RPRD2: variants seen among roughly 807,000 people sequenced by gnomAD.
RPRD2 encodes the protein regulation of nuclear pre-mRNA domain-containing protein 2.
In RPRD2, 12 loss-of-function variants were observed where a neutral mutation model predicts 104.4. The ratio of observed to expected loss-of-function variants is 0.11; its 90% CI spans 0.07 to 0.19. RPRD2 has a LOEUF of 0.19. RPRD2 is among the 10% of genes least tolerant of loss of function. RPRD2 has a pLI of 1.00. For missense variants in RPRD2, 1,543 were observed against 1,790.1 expected (o/e 0.86, Z 2.49); for synonymous variants, 714 against 684.9 (o/e 1.04, Z -0.66).
rs58054758 is a variant in RPRD2 at position 150,369,441 on chromosome 1, A to ATTTTT, written c.205+4551_205+4555dup. Among the ~76,000 whole-genome samples the ATTTTT allele has an allele frequency of 2.8e-3, 159 of 57,530 alleles. 14 individuals are homozygous for ATTTTT. Among genetic ancestry groups the ATTTTT allele is most frequent in the African/African-American group, 9.4e-3 (139 of 14,864 alleles). The allele number at this position is 57,530 out of a possible 152,430, so 37.7% of individuals were successfully genotyped here. A position where few individuals can be genotyped will look rare whatever the true frequency, so the allele number is the denominator to read the frequency against. On this transcript the variant is annotated intron_variant, in intron 1 of 10. Coordinates refer to ENST00000369068, the MANE Select transcript of RPRD2 (RefSeq NM_015203.5). Reference sequence around the variant, plus strand: ...GGAACCATGCCACCACACCTGGCTAATTTTTTTTTTTTTTTTTTTTTTTTT... The same window carrying ATTTTT: ...GGAACCATGCCACCACACCTGGCTAATTTTTTTTTTTTTTTTTTTTTTTTTTTTTT...
At position 150,471,679 on chromosome 1, in the gene RPRD2, G is replaced by A; in HGVS notation, c.2731G>A (p.Gly911Arg). 6.2e-7 allele frequency: 1 copy of A among 1,613,806 alleles called. No homozygotes were observed. The highest frequency in any genetic ancestry group is 8.5e-7 in the Non-Finnish European group (1 of 1,179,874). The change falls in exon 11 of 11, where the codon GGG (glycine) becomes AGG (arginine). Residue 911 changes from glycine to arginine, a missense_variant. Around this residue, in one of 4 missense-constraint regions of RPRD2, gnomAD observed 880 missense variants for 885.6 expected, o/e 0.99. Coordinates refer to ENST00000369068, the MANE Select transcript of RPRD2 (RefSeq NM_015203.5). The surrounding 1 kb of genome is among the most constrained non-coding windows in gnomAD (Gnocchi z 5.3). ...ENCDRLSSSP[G>R]LFGAFSVRGN... ...CTGTGACCGTCTCTCATCTTCCCCTGGGCTATTTGGTGCCTTCAGCGTAAG... is the reference window on the plus strand; with the variant it reads ...CTGTGACCGTCTCTCATCTTCCCCTAGGCTATTTGGTGCCTTCAGCGTAAG...
rs587607686 is a variant in RPRD2, at chr1:150,462,785, G to T, written c.1412-1742G>T. 4.6e-5 allele frequency among the ~76,000 whole-genome samples: 7 copies of T among 152,252 alleles called. 1 individual carries two copies. The South Asian group carries it at 1.4e-3, about 32-fold the overall frequency. ...TTAGCCAGGATGGTCTCGATCTCCTGACCTCGTGATCTGCTCGCGTTGGCC... is the reference window on the plus strand; with the variant it reads ...TTAGCCAGGATGGTCTCGATCTCCTTACCTCGTGATCTGCTCGCGTTGGCC... On this transcript the variant is annotated intron_variant, in intron 9 of 10. Transcript: ENST00000369068.
chr1:150,457,578 T>A lies in RPRD2; in HGVS notation c.1153+8T>A. 6.2e-7 allele frequency: 1 copy of A among 1,611,066 alleles called. No homozygotes were observed. The highest frequency in any genetic ancestry group is 8.5e-7 in the Non-Finnish European group (1 of 1,177,304). ...ATGGGTCAAAAATCATTGGTATGTC[T>A]TTATGTGATTAATAGACAACTTATT... On this transcript the variant is annotated splice_region_variant and intron_variant, in intron 8 of 10. Transcript: ENST00000369068.
At chr1:150,400,938 A>C (rs2102217717) in intron 1 of RPRD2, among the ~76,000 whole-genome samples, 1 of 151,698 alleles carries the variant, frequency 6.6e-6, no homozygotes, top group South Asian at 2.1e-4. Context: ...GCACTTTGGG[A>C]GGCCAAGGTG....
At position 150,441,954 on chromosome 1, in the gene RPRD2, A is replaced by T. The variant is rs1235322010; in HGVS notation, c.510A>T (p.Ser170=). ...NKQPNKQWKK[S]QTSTNPKAAL... is the part of the protein sequence containing the mutation. Reference sequence around the variant, plus strand: ...AACCGAATAAGCAGTGGAAGAAATCACAAAGTAAGGAACAAAATCTCAACT... The same window carrying T: ...AACCGAATAAGCAGTGGAAGAAATCTCAAAGTAAGGAACAAAATCTCAACT... Residue 170 remains serine (S), a synonymous_variant, in exon 4 of 11, where the codon TCA becomes TCT. Coordinates refer to ENST00000369068, the MANE Select transcript of RPRD2 (RefSeq NM_015203.5). The T allele has an allele frequency of 6.2e-7, 1 of 1,608,430 alleles. No individual in the cohort carries two copies. The highest frequency in any genetic ancestry group is 8.5e-7 in the Non-Finnish European group (1 of 1,176,360).
intron 1 of RPRD2, among the ~76,000 whole-genome samples, chr1:150,388,616 ATT>A (rs71086505): frequency 0.047 from 6,420 of 137,174 alleles, 354 homozygotes; most frequent in African/African-American, 0.13. Flanking sequence ...TTGATATGTA[ATT>A]TTTTTTTTTT....
rs1659722632 is a variant in RPRD2 at position 150,364,974 on chromosome 1, G to C, written c.205+55G>C. ...AGACTGGGGAAATGGAAGGAAGTGTGGCCTGAAACGCTTGGGGTTTTCCCA... is the reference window on the plus strand; with the variant it reads ...AGACTGGGGAAATGGAAGGAAGTGTCGCCTGAAACGCTTGGGGTTTTCCCA... On this transcript the variant is annotated intron_variant, in intron 1 of 10. Coordinates refer to ENST00000369068, the MANE Select transcript of RPRD2 (RefSeq NM_015203.5). 8.3e-6 allele frequency: 13 copies of C among 1,565,592 alleles called. No individual in the cohort carries two copies. The South Asian group carries it at 1.4e-4, about 16-fold the overall frequency.
chr1:150,446,448 T>A lies in RPRD2; in HGVS notation c.870+47T>A, dbSNP rs782656117. The A allele has an allele frequency of 4.2e-6, 6 of 1,422,658 alleles. No homozygotes were observed. The African/African-American group carries it at 8.7e-5, about 21-fold the overall frequency. 88.1% of individuals were successfully genotyped at this position (1,422,658 alleles called of 1,614,324 possible). On this transcript the variant is annotated intron_variant, in intron 7 of 10. Transcript: ENST00000369068. ...CTTATACTGAATGCTTGTTACTATATTTCAGAGATTGTTAACATGCATTAT... is the reference window on the plus strand; with the variant it reads ...CTTATACTGAATGCTTGTTACTATAATTCAGAGATTGTTAACATGCATTAT...
intron 1 of RPRD2, among the ~76,000 whole-genome samples, chr1:150,373,011 CTTTTT>C (rs1204634877): frequency 6.7e-6 from 1 of 149,854 alleles, no homozygotes; most frequent in African/African-American, 2.5e-5. Flanking sequence ...GAGATGAACT[CTTTTT>C]TTTTCTTTTT....
At chr1:150,466,604 A>T (rs1668299982) in intron 10 of RPRD2, among the ~76,000 whole-genome samples, 1 of 149,478 alleles carries the variant, frequency 6.7e-6, no homozygotes. Flanking sequence ...CTAATGTTTT[A>T]TAGAGGCTTC....
chr1:150,461,070 A>G (rs1000426630), intron 9 of RPRD2, among the ~76,000 whole-genome samples: 8 of 152,076 alleles, frequency 5.3e-5, no homozygotes, highest in Admixed American at 3.9e-4. Context: ...CGGTCATTAT[A>G]GAAAAATTAG....
At chr1:150,469,299 A>G (rs1668466469) in intron 10 of RPRD2, among the ~76,000 whole-genome samples, 1 of 152,222 alleles carries the variant, frequency 6.6e-6, no homozygotes, top group African/African-American at 2.4e-5. Flanking sequence ...TTTTAAATAC[A>G]GAGACTCACT....
At chr1:150,418,364 T>C (rs1664518499) in intron 2 of RPRD2, among the ~76,000 whole-genome samples, 1 of 152,222 alleles carries the variant, frequency 6.6e-6, no homozygotes, top group South Asian at 2.1e-4. Flanking sequence ...AATCTCTGAA[T>C]GTGCTTCCTT....
intron 1 of RPRD2, among the ~76,000 whole-genome samples, chr1:150,371,573 G>A (rs1660301707): frequency 6.6e-6 from 1 of 152,142 alleles, no homozygotes; most frequent in African/African-American, 2.4e-5. Flanking sequence ...GTTTCACTGT[G>A]TTAGCCAGGA....
In RPRD2 at chr1:150,472,598, C is replaced by G; in HGVS notation, c.3650C>G (p.Pro1217Arg). 3 of 1,613,942 alleles carry G rather than the reference C, an allele frequency of 1.9e-6. No individual in the cohort carries two copies. Among genetic ancestry groups the G allele is most frequent in the Non-Finnish European group, 2.5e-6 (3 of 1,179,828 alleles). Residue 1217 changes from proline (P) to arginine (R), a missense_variant, in exon 11 of 11, where the codon CCT (proline) becomes CGT (arginine). By Grantham distance (103) the Pro-to-Arg change is moderately radical. Coordinates refer to ENST00000369068, the MANE Select transcript of RPRD2 (RefSeq NM_015203.5). ...REPVGPSSAP[P>R]VPPKDHGGIF... ...CCAGTGGGGCCATCATCTGCCCCAC[C>G]TGTCCCTCCTAAGGATCATGGTGGT...
chr1:150,460,039 C>A (rs1667818984), intron 8 of RPRD2, 21 bp from the exon 9 acceptor site: 1 of 1,602,624 alleles, frequency 6.2e-7, no homozygotes, highest in African/African-American at 1.3e-5. Flanking sequence ...GATGTAATAT[C>A]TCTTTTCTTT....
chr1:150,410,212 T>G (rs2102250046), intron 1 of RPRD2, among the ~76,000 whole-genome samples: 1 of 152,272 alleles, frequency 6.6e-6, no homozygotes, highest in Admixed American at 6.5e-5. Flanking sequence ...CCAGATTGTT[T>G]AGGATTTCTA....
chr1:150,427,912 T>C (rs1026149914), intron 2 of RPRD2, among the ~76,000 whole-genome samples: 3 of 152,196 alleles, frequency 2.0e-5, no homozygotes, highest in African/African-American at 7.2e-5. Flanking sequence ...TGAATTACTT[T>C]GGTGTGTAAA....
intron 1 of RPRD2, among the ~76,000 whole-genome samples, chr1:150,391,393 A>T (rs1418291962): frequency 2.6e-5 from 4 of 152,076 alleles, no homozygotes; most frequent in Admixed American, 2.6e-4. Context: ...GGCTCAAGTG[A>T]TCCTCCTGCT....
Sources: allele counts gnomAD v4.1 joint callset (sites outside exome capture counted in the v4.1 genomes callset), GRCh38; gene constraint gnomAD v4.1.1; regional missense constraint gnomAD v4.1.1; non-coding constraint Gnocchi (gnomAD v3.1); transcripts MANE v1.5; gene names NCBI Gene and HGNC (gene_info 2026-07-23, HGNC 2026-07-21).